Variants in ASXL3 observed in about 807,000 individuals in gnomAD.
ASXL3 encodes the protein putative Polycomb group protein ASXL3.
In ASXL3, 34 loss-of-function variants were observed where a neutral mutation model predicts 170.6. The ratio of observed to expected loss-of-function variants is 0.20; its 90% confidence interval spans 0.15 to 0.27. The LOEUF (loss-of-function observed/expected upper bound fraction) is 0.27. ASXL3 is among the 10% of genes least tolerant of loss of function. The pLI is 1.00. For missense variants in ASXL3, 2,592 were observed against 2,695.3 expected, an observed-to-expected ratio of 0.96 and a Z score of 0.85; for synonymous variants, 1,002 against 989.1, an observed-to-expected ratio of 1.01 and a Z score of -0.24.
In ASXL3 at chr18:33,738,925, T is replaced by C; in HGVS notation, c.1521T>C (p.Asp507=). 1 of 1,613,692 alleles carries C rather than the reference T, an allele frequency of 6.2e-7. No homozygotes were observed. The highest frequency in any genetic ancestry group is 8.5e-7 in the Non-Finnish European group (1 of 1,179,752). ...TGGAATCCTGTGTTATGATGAATGATGTTTTAGAAACTTTGCCTCATATTG... is the reference window on the plus strand; with the variant it reads ...TGGAATCCTGTGTTATGATGAATGACGTTTTAGAAACTTTGCCTCATATTG... ...DNLESCVMMN[D]VLETLPHIEV... The change falls in exon 11 of 12, where the codon GAT becomes GAC. Residue 507 remains aspartate (D), a synonymous_variant. Transcript: ENST00000269197.
At chr18:33,671,238 C>T (rs1314440501) in intron 6 of ASXL3, among the ~76,000 whole-genome samples, 1 of 152,122 alleles carries the variant, frequency 6.6e-6, no homozygotes, top group Non-Finnish European at 1.5e-5. Flanking sequence ...TCTTCTCACC[C>T]CAGTGCAGCC....
chr18:33,676,283 C>A (rs936632849), intron 7 of ASXL3, among the ~76,000 whole-genome samples: 1 of 144,312 alleles, frequency 6.9e-6, no homozygotes, highest in East Asian at 2.2e-4. Flanking sequence ...GTAACCTCGA[C>A]GTTCTCCTGA....
intron 1 of ASXL3, among the ~76,000 whole-genome samples, chr18:33,599,248 G>T (rs2065159164): frequency 1.3e-5 from 2 of 152,070 alleles, no homozygotes; most frequent in African/African-American, 4.8e-5. Context: ...TATACATCAG[G>T]AAGATGCATA....
chr18:33,641,944 T>G (rs1159214993), intron 2 of ASXL3: 2 of 152,250 alleles, frequency 1.3e-5, no homozygotes, highest in African/African-American at 2.4e-5. Flanking sequence ...GGTGATGAGC[T>G]TTTGCATTAA....
intron 2 of ASXL3, among the ~76,000 whole-genome samples, chr18:33,618,722 G>T (rs2065466370): frequency 6.6e-6 from 1 of 152,006 alleles, no homozygotes; most frequent in South Asian, 2.1e-4. Context: ...GTTATTTAAT[G>T]AGGTCTTTCA....
intron 8 of ASXL3, among the ~76,000 whole-genome samples, chr18:33,699,310 C>T (rs1032470497): frequency 1.3e-5 from 2 of 152,056 alleles, no homozygotes; most frequent in Non-Finnish European, 2.9e-5. Flanking sequence ...TGTATAATGA[C>T]AGTGTCACAC....
chr18:33,637,251 A>G (rs2065781456), intron 2 of ASXL3, among the ~76,000 whole-genome samples: 1 of 152,244 alleles, frequency 6.6e-6, no homozygotes, highest in East Asian at 1.9e-4. Context: ...CTCTAAGTAT[A>G]TTTTTTGGCA....
intron 2 of ASXL3, among the ~76,000 whole-genome samples, chr18:33,621,672 G>C (rs2065515109): frequency 6.6e-6 from 1 of 152,106 alleles, no homozygotes; most frequent in African/African-American, 2.4e-5. Context: ...TTGGTGGAGA[G>C]AGCCATTGAG....
At chr18:33,629,815 A>G (rs1357047196) in intron 2 of ASXL3, among the ~76,000 whole-genome samples, 1 of 152,104 alleles carries the variant, frequency 6.6e-6, no homozygotes, top group East Asian at 1.9e-4. Context: ...TAATACTTAC[A>G]TAACTGATTA....
rs751213787 is a variant in ASXL3, at chr18:33,744,537, C to A, written c.4689C>A (p.Pro1563=). Reference sequence around the variant, plus strand: ...CCTGCACAAGTCTCCGAGAATTACCCCTTGTTCCAGATAAATTAAATGAGC... The same window carrying A: ...CCTGCACAAGTCTCCGAGAATTACCACTTGTTCCAGATAAATTAAATGAGC... The part of the protein sequence containing the change: ...PATCTSLREL[P]LVPDKLNEPT... The change falls in exon 12 of 12, where the codon CCC becomes CCA. Residue 1563 remains proline (P), a synonymous_variant. Transcript: ENST00000269197. 1 of 1,612,090 alleles carries A rather than the reference C, an allele frequency of 6.2e-7. No homozygotes were observed. Among genetic ancestry groups the A allele is most frequent in the Non-Finnish European group, 8.5e-7 (1 of 1,179,580 alleles).
intron 8 of ASXL3, among the ~76,000 whole-genome samples, chr18:33,697,589 A>G (rs928219398): frequency 1.3e-5 from 2 of 152,056 alleles, no homozygotes; most frequent in African/African-American, 4.8e-5. Flanking sequence ...TGATTTTCCA[A>G]TCTGACTAGT....
chr18:33,585,783 T>C (rs915971661), intron 1 of ASXL3, among the ~76,000 whole-genome samples: 3 of 152,218 alleles, frequency 2.0e-5, no homozygotes, highest in African/African-American at 7.2e-5. Context: ...TTAGACTCAG[T>C]GGACAGGCTT....
intron 8 of ASXL3, among the ~76,000 whole-genome samples, chr18:33,722,727 T>C (rs2067284594): frequency 6.6e-6 from 1 of 152,172 alleles, no homozygotes; most frequent in South Asian, 2.1e-4. Context: ...AAGGTGGCTA[T>C]GTTAAACAAC....
At chr18:33,611,397 T>C (rs1320544019) in intron 2 of ASXL3, among the ~76,000 whole-genome samples, 3 of 152,090 alleles carry the variant, frequency 2.0e-5, no homozygotes, top group Non-Finnish European at 4.4e-5. Flanking sequence ...TTTCCCTCTG[T>C]ATAATAGGGT....
At chr18:33,717,104 A>G (rs2067177268) in intron 8 of ASXL3, among the ~76,000 whole-genome samples, 1 of 152,108 alleles carries the variant, frequency 6.6e-6, no homozygotes, top group South Asian at 2.1e-4. Flanking sequence ...TGGCTCCGAC[A>G]CTGATCTCTA....
chr18:33,579,501 G>T (rs1211270955), intron 1 of ASXL3, among the ~76,000 whole-genome samples: 2 of 152,174 alleles, frequency 1.3e-5, no homozygotes, highest in Non-Finnish European at 2.9e-5. Flanking sequence ...ACCTTTCGGA[G>T]CTTACGTTTT....
intron 8 of ASXL3, among the ~76,000 whole-genome samples, chr18:33,707,753 G>A (rs1354987191): frequency 6.6e-6 from 1 of 151,854 alleles, no homozygotes; most frequent in East Asian, 1.9e-4. Context: ...TTAAACTTCG[G>A]TTTAAAGATT....
chr18:33,594,748 A>T (rs925343211), intron 1 of ASXL3, among the ~76,000 whole-genome samples: 1 of 151,916 alleles, frequency 6.6e-6, no homozygotes, highest in Non-Finnish European at 1.5e-5. Context: ...ATCTTAATTT[A>T]TATATATATA....
rs190963776 is a variant in ASXL3, at chr18:33,744,569, C to T, written c.4721C>T (p.Ala1574Val). 37 of 1,611,500 alleles carry T rather than the reference C, an allele frequency of 2.3e-5. No homozygotes were observed. In the Admixed American group the frequency reaches 2.3e-4, roughly 10 times the overall value. ...LVPDKLNEPT[A>V]PSHNFAEQAR... ...CCAGATAAATTAAATGAGCCGACTG[C>T]TCCCAGTCATAACTTTGCTGAGCAG... is the stretch of plus-strand genomic sequence containing the variant. The change falls in exon 12 of 12, where the codon GCT becomes GTT. Residue 1574 changes from alanine (A) to valine (V), a missense_variant. Ala to Val is a moderately conservative substitution (Grantham distance 64). Coordinates refer to ENST00000269197, the MANE Select transcript of ASXL3 (RefSeq NM_030632.3).
Sources: allele counts gnomAD v4.1 joint callset (sites outside exome capture counted in the v4.1 genomes callset), GRCh38; gene constraint gnomAD v4.1.1; transcripts MANE v1.5; gene names NCBI Gene and HGNC (gene_info 2026-07-23, HGNC 2026-07-21).